CFAP251: variants seen among roughly 807,000 people sequenced by gnomAD.
CFAP251 encodes the protein cilia and flagella associated protein 251, also known as cilia- and flagella-associated protein 251.
CFAP251 carries 93 observed loss-of-function variants against 126.7 expected under a neutral mutation model. The ratio of observed to expected loss-of-function variants is 0.73; its 90% confidence interval spans 0.62 to 0.87. The LOEUF (loss-of-function observed/expected upper bound fraction) is 0.87, where lower values mean the gene tolerates loss of function less well. CFAP251 is among the 40% of genes least tolerant of loss of function. The probability of loss-of-function intolerance (pLI) is 0.00; values close to 1 mark genes in which losing one functional copy is unlikely to be tolerated. For synonymous variants in CFAP251, 503 were observed against 506.9 expected (o/e 0.99, Z 0.10); for missense variants, 1,287 against 1,389.2 (o/e 0.93, Z 1.17).
chr12:122,001,726 G>A (rs1349755965), intron 21 of CFAP251, 128 bp downstream of exon 21: 1 of 734,330 alleles, frequency 1.4e-6, no homozygotes, highest in Non-Finnish European at 2.4e-6. Flanking sequence ...AAGCATGTCT[G>A]TTGGGAATCC....
intron 5 of CFAP251, among the ~76,000 whole-genome samples, chr12:121,942,294 T>C (rs750300024): frequency 6.6e-6 from 1 of 152,184 alleles, no homozygotes; most frequent in Non-Finnish European, 1.5e-5. Flanking sequence ...AGTGGACTCA[T>C]ACACCACACG....
intron 3 of CFAP251, among the ~76,000 whole-genome samples, chr12:121,928,658 G>A (rs1180497248): frequency 1.1e-4 from 3 of 26,720 alleles, no homozygotes; most frequent in African/African-American, 1.8e-4. Flanking sequence ...ATATATATAC[G>A]TATATATATA....
At chr12:121,971,655 TGGAGCTGGGATTCACAGC>T in intron 17 of CFAP251, 1 of 702,480 alleles carries the variant, frequency 1.4e-6, no homozygotes, top group Non-Finnish European at 2.6e-6. Context: ...GAGGAGGCAG[TGGAGCTGGGATTCACAGC>T]CAGGGCTTTC....
At position 121,962,043 on chromosome 12, in the gene CFAP251, C is replaced by A. The variant is rs1337557853; in HGVS notation, c.2373C>A (p.Asp791Glu). ...HLEVLDIHHT[D>E]QGCYPTCMVW... is the part of the protein sequence containing the mutation. ...AAGTCCTGGACATTCACCACACCGA[C>A]CAGGGCTGCTATCCCACCTGCATGG... Residue 791 changes from aspartate (D) to glutamate (E), a missense_variant, in exon 15 of 22, where the codon GAC becomes GAA. Coordinates refer to ENST00000288912, the MANE Select transcript of CFAP251 (RefSeq NM_144668.6). 1 of 1,614,002 alleles carries A rather than the reference C, an allele frequency of 6.2e-7. No homozygotes were observed. The highest frequency in any genetic ancestry group is 8.5e-7 in the Non-Finnish European group (1 of 1,180,044).
chr12:121,954,676 T>C (rs1489065050), intron 10 of CFAP251, among the ~76,000 whole-genome samples: 1 of 115,488 alleles, frequency 8.7e-6, no homozygotes, highest in Non-Finnish European at 2.0e-5. Flanking sequence ...AAACCTCTTT[T>C]GGATGTATAT....
intron 14 of CFAP251, among the ~76,000 whole-genome samples, chr12:121,961,266 CCT>C (rs1335991670): frequency 2.7e-5 from 4 of 149,668 alleles, no homozygotes; most frequent in African/African-American, 9.9e-5. Context: ...TTCTTCTCCC[CCT>C]CTCTCCCTCC....
chr12:121,946,672 A>T (rs1454691759), intron 7 of CFAP251, among the ~76,000 whole-genome samples: 1 of 151,826 alleles, frequency 6.6e-6, no homozygotes, highest in Non-Finnish European at 1.5e-5. Context: ...GTCACTGCTC[A>T]TTGCAGCCTT....
intron 10 of CFAP251, among the ~76,000 whole-genome samples, chr12:121,954,896 G>A (rs761246679): frequency 2.0e-5 from 3 of 152,112 alleles, no homozygotes; most frequent in Non-Finnish European, 4.4e-5. Flanking sequence ...GAAACAAAAA[G>A]GAACTAGATT....
chr12:121,957,301 G>C, intron 11 of CFAP251, 33 bp downstream of exon 11: 1 of 1,568,464 alleles, frequency 6.4e-7, no homozygotes, highest in Non-Finnish European at 8.7e-7. Context: ...CATTAGAATG[G>C]TTGAAAAATG....
At chr12:121,932,853 C>G (rs188482320) in intron 4 of CFAP251, 1 of 152,508 alleles carries the variant, frequency 6.6e-6, no homozygotes, top group African/African-American at 2.4e-5. Context: ...ATGCATGGCA[C>G]TGAACACAGT....
At chr12:121,978,002 A>C (rs948068785) in intron 19 of CFAP251, among the ~76,000 whole-genome samples, 7 of 151,708 alleles carry the variant, frequency 4.6e-5, no homozygotes, top group Non-Finnish European at 8.8e-5. Context: ...AAATAAAATA[A>C]AAACAAACAA....
chr12:121,962,353 G>A (rs952898852), intron 15 of CFAP251, among the ~76,000 whole-genome samples, 191 bp downstream of exon 15: 1 of 152,186 alleles, frequency 6.6e-6, no homozygotes, highest in African/African-American at 2.4e-5. Context: ...CCTGTGTGGA[G>A]GTGAGATGTG....
At chr12:121,967,148 C>G (rs1398393989) in intron 16 of CFAP251, 79 bp downstream of exon 16, 12 of 1,356,392 alleles carry the variant, frequency 8.8e-6, no homozygotes, top group Non-Finnish European at 1.3e-5. Context: ...GATCACGAGA[C>G]TCAGAGAGTT....
chr12:121,967,932 A>G, intron 16 of CFAP251, 74 bp from the exon 17 acceptor site: 1 of 1,344,350 alleles, frequency 7.4e-7, no homozygotes, highest in Non-Finnish European at 1.0e-6. Context: ...TCTGGAGGTG[A>G]CATGTGAACG....
At chr12:121,983,110 C>G (rs1038879694) in intron 19 of CFAP251, among the ~76,000 whole-genome samples, 1 of 151,978 alleles carries the variant, frequency 6.6e-6, no homozygotes, top group African/African-American at 2.4e-5. Context: ...ACTTGTAGTC[C>G]CAGATACTTG....
intron 1 of CFAP251, among the ~76,000 whole-genome samples, chr12:121,920,984 G>A (rs1678968): frequency 0.036 from 5,464 of 151,862 alleles, 314 homozygotes; most frequent in African/African-American, 0.12. Flanking sequence ...AAGTAGCTGG[G>A]ATTACAGGCG....
At chr12:121,955,435 C>T (rs906412643) in intron 10 of CFAP251, among the ~76,000 whole-genome samples, 2 of 152,100 alleles carry the variant, frequency 1.3e-5, no homozygotes, top group African/African-American at 4.8e-5. Context: ...CCTTGTTGAG[C>T]CTCTATTTCT....
chr12:121,988,278 G>A (rs936112419), intron 19 of CFAP251, among the ~76,000 whole-genome samples: 4 of 152,068 alleles, frequency 2.6e-5, no homozygotes, highest in African/African-American at 9.7e-5. Context: ...TTTAGAGGAT[G>A]CAGTTCATTG....
chr12:121,950,091 A>C (rs990157590), intron 8 of CFAP251: 1 of 152,264 alleles, frequency 6.6e-6, no homozygotes, highest in Non-Finnish European at 1.5e-5. Flanking sequence ...AGTGTTCATC[A>C]ACTGATGAGT....
Sources: allele counts gnomAD v4.1 joint callset (sites outside exome capture counted in the v4.1 genomes callset), GRCh38; gene constraint gnomAD v4.1.1; transcripts MANE v1.5; gene names NCBI Gene and HGNC (gene_info 2026-07-23, HGNC 2026-07-21).